BMPR1A: variants seen among roughly 807,000 people sequenced by gnomAD.
The protein encoded by BMPR1A is bone morphogenetic protein receptor type 1A.
Under a neutral mutation model 66.0 loss-of-function variants are expected in BMPR1A, and 7 were observed. The observed-to-expected ratio is 0.11, with a 90% CI of 0.06 to 0.20. The LOEUF (loss-of-function observed/expected upper bound fraction) is 0.20, where lower values mean the gene tolerates loss of function less well. Ranked by LOEUF, BMPR1A falls within the 10% of genes least tolerant of loss-of-function variation. The pLI, the probability that BMPR1A is intolerant of heterozygous loss-of-function variation, is 1.00. For synonymous variants in BMPR1A, 200 were observed against 229.7 expected, an observed-to-expected ratio of 0.87 and a Z score of 1.17; for missense variants, 408 against 669.1, an observed-to-expected ratio of 0.61 and a Z score of 4.31.
At chr10:86,904,618 A>C (rs1171316545) in intron 7 of BMPR1A, among the ~76,000 whole-genome samples, 1 of 152,190 alleles carries the variant, frequency 6.6e-6, no homozygotes, top group East Asian at 1.9e-4. Context: ...TTCGGGTGGA[A>C]AGACAGGCCA....
chr10:86,891,386 A>G (rs1418075328), intron 4 of BMPR1A, among the ~76,000 whole-genome samples: 1 of 152,160 alleles, frequency 6.6e-6, no homozygotes, highest in East Asian at 1.9e-4. Context: ...CACACTTAAC[A>G]TTTTCTCCTA....
intron 1 of BMPR1A, among the ~76,000 whole-genome samples, chr10:86,766,947 C>T (rs530413509): frequency 6.4e-4 from 97 of 152,072 alleles, no homozygotes; most frequent in Non-Finnish European, 1.2e-3. Flanking sequence ...ACTCAGCCTC[C>T]GGAGTAGCTC....
At chr10:86,785,624 C>T (rs769664166) in intron 1 of BMPR1A, among the ~76,000 whole-genome samples, 3 of 152,092 alleles carry the variant, frequency 2.0e-5, no homozygotes, top group Non-Finnish European at 4.4e-5. Context: ...CTTTATGTGT[C>T]CGTTAGTTCC....
chr10:86,840,606 T>C (rs558288386), intron 2 of BMPR1A, among the ~76,000 whole-genome samples: 1 of 152,268 alleles, frequency 6.6e-6, no homozygotes, highest in South Asian at 2.1e-4. Flanking sequence ...CCTATCTCAG[T>C]TGTGGCATTT....
intron 2 of BMPR1A, among the ~76,000 whole-genome samples, chr10:86,853,133 A>G (rs1393616381): frequency 6.6e-6 from 1 of 152,202 alleles, no homozygotes; most frequent in Non-Finnish European, 1.5e-5. Flanking sequence ...TTACAATTTA[A>G]ACGTCAATTT....
Position 86,919,183 on chromosome 10 carries a change from G to T in BMPR1A, c.880G>T (p.Ala294Ser). 6.2e-7 allele frequency: 1 copy of T among 1,613,910 alleles called. No homozygotes were observed. ...CATCAACTGGACAGGTTTCATAGCGGCAGACATTAAAGGTACAGGTTCCTG... is the reference window on the plus strand; with the variant it reads ...CATCAACTGGACAGGTTTCATAGCGTCAGACATTAAAGGTACAGGTTCCTG... ...RHENILGFIA[A>S]DIKGTGSWTQ... Residue 294 changes from alanine to serine, a missense_variant, in exon 10 of 13, where the codon GCA becomes TCA. By Grantham distance (99) the Ala-to-Ser change is moderately conservative (BLOSUM62 1). This residue lies in a region of BMPR1A where 174 missense variants were observed against 265.1 expected (regional missense o/e 0.66). Coordinates refer to ENST00000372037, the MANE Select transcript of BMPR1A (RefSeq NM_004329.3).
At chr10:86,756,231 C>G (rs1327304990), upstream of BMPR1A, 2 of 152,130 alleles carry the variant, frequency 1.3e-5, no homozygotes, top group South Asian at 2.1e-4. Flanking sequence ...TGTCCACGCT[C>G]CCCTCCGCCG....
chr10:86,852,932 A>G lies in BMPR1A; in HGVS notation c.-153+13953A>G, dbSNP rs1157306049. Reference sequence around the variant, plus strand: ...ATAGAATTGGGGCTTGAAATGATGAATTTTTTAAAAAAAGATACATTGAAG... The same window carrying G: ...ATAGAATTGGGGCTTGAAATGATGAGTTTTTTAAAAAAAGATACATTGAAG... On this transcript the variant is annotated intron_variant, in intron 2 of 12. Coordinates refer to ENST00000372037, the MANE Select transcript of BMPR1A (RefSeq NM_004329.3). 5.3e-5 allele frequency among the ~76,000 whole-genome samples: 8 copies of G among 152,286 alleles called. No homozygotes were observed. In the Middle Eastern group the frequency reaches 0.01, roughly 194 times the overall value.
intron 2 of BMPR1A, among the ~76,000 whole-genome samples, chr10:86,864,481 T>C (rs1252327315): frequency 6.6e-6 from 1 of 152,222 alleles, no homozygotes; most frequent in Admixed American, 6.5e-5. Flanking sequence ...CAGGCCCTAG[T>C]TGACTCTTCA....
intron 5 of BMPR1A, among the ~76,000 whole-genome samples, chr10:86,895,667 A>G (rs1185893746): frequency 2.0e-5 from 3 of 152,198 alleles, no homozygotes; most frequent in Non-Finnish European, 4.4e-5. Context: ...GAATCTTCTC[A>G]CTCTAGCAGT....
intron 1 of BMPR1A, among the ~76,000 whole-genome samples, chr10:86,759,597 TTA>T (rs1448526341): frequency 1.3e-5 from 2 of 152,248 alleles, no homozygotes; most frequent in African/African-American, 4.8e-5. Flanking sequence ...TGATTCTGCT[TTA>T]TGATATTGTA....
At chr10:86,775,501 C>T (rs1247192720) in intron 1 of BMPR1A, among the ~76,000 whole-genome samples, 1 of 152,130 alleles carries the variant, frequency 6.6e-6, no homozygotes, top group Non-Finnish European at 1.5e-5. Context: ...CCCCCTGATG[C>T]CCATCTCACC....
intron 1 of BMPR1A, among the ~76,000 whole-genome samples, chr10:86,826,411 A>AACACACATACACACACACACACACAC (rs71477611): frequency 2.0e-4 from 29 of 147,102 alleles, no homozygotes; most frequent in Admixed American, 6.1e-4. Context: ...CAATCAAGGA[A>AACACACATACACACACACACACACAC]ACACACACAC....
At chr10:86,928,060 A>G (rs1375421846), downstream of BMPR1A, 2 of 170,086 alleles carry the variant, frequency 1.2e-5, no homozygotes, top group African/African-American at 4.8e-5. Context: ...AAGTTAGTGT[A>G]TATACATATG....
In BMPR1A at chr10:86,762,214, T is replaced by A. The variant is rs7095804; in HGVS notation, c.-268+5295T>A. 0.27 allele frequency among the ~76,000 whole-genome samples: 40,477 copies of A among 152,124 alleles called. 6,810 individuals are homozygous for A. Among genetic ancestry groups the A allele is most frequent in the East Asian group, 0.7 (3,597 of 5,174 alleles). Reference sequence around the variant, plus strand: ...GAGGTTGTCTTTTCTGTTCTTCACTTTTGTGGTCTCATTTCAGGCAGGTGC... The same window carrying A: ...GAGGTTGTCTTTTCTGTTCTTCACTATTGTGGTCTCATTTCAGGCAGGTGC... On this transcript the variant is annotated intron_variant, in intron 1 of 12. Coordinates refer to ENST00000372037, the MANE Select transcript of BMPR1A (RefSeq NM_004329.3).
At chr10:86,796,039 G>T (rs1841705542) in intron 1 of BMPR1A, among the ~76,000 whole-genome samples, 1 of 152,030 alleles carries the variant, frequency 6.6e-6, no homozygotes, top group African/African-American at 2.4e-5. Context: ...TATTTCTTTT[G>T]TTCTGTTTCC....
At chr10:86,803,692 C>T (rs1265366026) in intron 1 of BMPR1A, among the ~76,000 whole-genome samples, 9 of 152,110 alleles carry the variant, frequency 5.9e-5, no homozygotes. Context: ...ACAGTGGAAT[C>T]ACACTGTTTA....
At chr10:86,840,009 G>T (rs575564098) in intron 2 of BMPR1A, among the ~76,000 whole-genome samples, 1 of 152,186 alleles carries the variant, frequency 6.6e-6, no homozygotes, top group South Asian at 2.1e-4. Flanking sequence ...TTTGGAAATA[G>T]AATTTAAAGA....
chr10:86,880,331 C>G (rs932069837), intron 3 of BMPR1A, among the ~76,000 whole-genome samples: 1 of 152,212 alleles, frequency 6.6e-6, no homozygotes, highest in African/African-American at 2.4e-5. Flanking sequence ...GACCTCCGCT[C>G]TGAGGCACTC....
Sources: allele counts gnomAD v4.1 joint callset (sites outside exome capture counted in the v4.1 genomes callset), GRCh38; gene constraint gnomAD v4.1.1; regional missense constraint gnomAD v4.1.1; transcripts MANE v1.5; gene names NCBI Gene and HGNC (gene_info 2026-07-23, HGNC 2026-07-21).